Variants in THADA observed in about 807,000 individuals in gnomAD.
THADA encodes the protein tRNA (32-2'-O)-methyltransferase regulator THADA.
A neutral mutation model predicts 219.8 loss-of-function variants in THADA; 213 were observed. The ratio of observed to expected loss-of-function variants is 0.97; its 90% CI spans 0.87 to 1.09. THADA has a LOEUF of 1.09. THADA is among the 50% of genes least tolerant of loss of function. The pLI is 0.00. For synonymous variants in THADA, 1,018 were observed against 828.9 expected, an observed-to-expected ratio of 1.23 and a Z score of -3.92; for missense variants, 2,956 against 2,311.3, an observed-to-expected ratio of 1.28 and a Z score of -5.72.
At chr2:43,288,344 G>T (rs13411327) in intron 34 of THADA, among the ~76,000 whole-genome samples, 1 of 152,176 alleles carries the variant, frequency 6.6e-6, no homozygotes, top group African/African-American at 2.4e-5. Flanking sequence ...CTTGAAGCCA[G>T]GGGGCGGAGG....
intron 36 of THADA, among the ~76,000 whole-genome samples, chr2:43,258,488 C>T (rs1174815489): frequency 1.3e-5 from 2 of 152,132 alleles, no homozygotes; most frequent in Admixed American, 1.3e-4. Context: ...TGCCATTGCA[C>T]TCCAGCCCAG....
intron 21 of THADA, among the ~76,000 whole-genome samples, chr2:43,537,555 C>T (rs1694765861): frequency 6.6e-6 from 1 of 152,224 alleles, no homozygotes; most frequent in Non-Finnish European, 1.5e-5. Flanking sequence ...TGTGAATAAA[C>T]ATATATCCCA....
At chr2:43,357,146 A>C (rs1270737041) in intron 29 of THADA, among the ~76,000 whole-genome samples, 1 of 152,230 alleles carries the variant, frequency 6.6e-6, no homozygotes, top group Non-Finnish European at 1.5e-5. Flanking sequence ...AACATAAACA[A>C]ACAATTCACA....
chr2:43,289,978 T>G (rs1410349433), intron 34 of THADA, among the ~76,000 whole-genome samples: 4 of 3,290 alleles, frequency 1.2e-3, no homozygotes, highest in South Asian at 0.043. Context: ...TTGTTTTTGT[T>G]TTTTTTTTTT....
chr2:43,505,507 T>C (rs1383488340), intron 24 of THADA, 115 bp downstream of exon 24: 12 of 662,032 alleles, frequency 1.8e-5, no homozygotes, highest in Non-Finnish European at 2.5e-5. Context: ...TGAGCTGAGA[T>C]CGCGCCACTG....
intron 29 of THADA, among the ~76,000 whole-genome samples, chr2:43,348,624 A>G (rs1242421811): frequency 6.6e-6 from 1 of 152,056 alleles, no homozygotes. Context: ...CATCTGAGAG[A>G]GCTTCTGCGG....
chr2:43,418,622 T>G (rs879639163), intron 28 of THADA, among the ~76,000 whole-genome samples: 11 of 152,142 alleles, frequency 7.2e-5, no homozygotes, highest in Non-Finnish European at 1.0e-4. Flanking sequence ...AATAGAAAGT[T>G]GAACTTGTGA....
chr2:43,402,725 T>C (rs1328250545), intron 28 of THADA, among the ~76,000 whole-genome samples: 1 of 152,124 alleles, frequency 6.6e-6, no homozygotes, highest in Non-Finnish European at 1.5e-5. Flanking sequence ...CAGTCTAGTG[T>C]GGAAGACAGA....
chr2:43,314,721 T>A (rs577961088), intron 31 of THADA, among the ~76,000 whole-genome samples: 2 of 152,200 alleles, frequency 1.3e-5, no homozygotes, highest in South Asian at 4.1e-4. Context: ...TTCCCTCAAC[T>A]ACAACTGGAC....
chr2:43,571,890 A>T (rs780174563), intron 12 of THADA, 28 bp from the exon 13 acceptor site: 2 of 1,605,852 alleles, frequency 1.2e-6, no homozygotes, highest in Admixed American at 3.4e-5. Context: ...ATAAAATGTT[A>T]ATTTTCCAAG....
intron 31 of THADA, among the ~76,000 whole-genome samples, chr2:43,302,540 A>G (rs184689154): frequency 6.6e-6 from 1 of 152,088 alleles, no homozygotes; most frequent in Non-Finnish European, 1.5e-5. Context: ...TGGAAGGACA[A>G]TACCTCCTAC....
At chr2:43,420,069 T>G (rs996468860) in intron 28 of THADA, among the ~76,000 whole-genome samples, 1 of 152,210 alleles carries the variant, frequency 6.6e-6, no homozygotes, top group African/African-American at 2.4e-5. Flanking sequence ...TGGATCCCCC[T>G]GACTTTTCAC....
At chr2:43,549,088 T>A in intron 20 of THADA, 122 bp downstream of exon 20, 1 of 962,426 alleles carries the variant, frequency 1.0e-6, no homozygotes, top group South Asian at 2.3e-5. Context: ...TTTAAAAAAC[T>A]TTATTTTCTA....
At chr2:43,472,814 A>C (rs1412663278) in intron 26 of THADA, among the ~76,000 whole-genome samples, 1 of 152,256 alleles carries the variant, frequency 6.6e-6, no homozygotes, top group East Asian at 1.9e-4. Flanking sequence ...AACCTGTACA[A>C]CATGTTATTG....
rs1189182005 is a variant in THADA at position 43,379,665 on chromosome 2, C to A, written c.4227+18306G>T. 2.0e-5 allele frequency among the ~76,000 whole-genome samples: 3 copies of A among 152,176 alleles called. No homozygotes were observed. In the South Asian group the frequency reaches 6.2e-4, roughly 32 times the overall value. ...TCTTAAAAAGTTAAACACAGACTTA[C>A]CACATGACCCAGCAATCCGCTAGGT... On this transcript the variant is annotated intron_variant, in intron 29 of 37. Coordinates refer to ENST00000405975, the MANE Select transcript of THADA (RefSeq NM_022065.5).
chr2:43,370,660 A>G (rs1177492704), intron 29 of THADA, among the ~76,000 whole-genome samples: 1 of 152,242 alleles, frequency 6.6e-6, no homozygotes, highest in African/African-American at 2.4e-5. Context: ...AATTTACTCA[A>G]GAAGTTAATA....
Position 43,348,777 on chromosome 2 carries a change from G to T in THADA, c.4228-4540C>A, listed in dbSNP as rs570247300. Among the ~76,000 whole-genome samples the T allele has an allele frequency of 4.6e-5, 7 of 152,270 alleles. No individual in the cohort carries two copies. In the South Asian group the frequency reaches 1.5e-3, roughly 32 times the overall value. ...AATCTACAGCAGGCTTGGGAATGAG[G>T]GAGGGGAATTAATGAGTTTGGTTGG... On this transcript the variant is annotated intron_variant, in intron 29 of 37. Coordinates refer to ENST00000405975, the MANE Select transcript of THADA (RefSeq NM_022065.5).
At chr2:43,276,113 G>C (rs1358813920) in intron 36 of THADA, among the ~76,000 whole-genome samples, 2 of 152,154 alleles carry the variant, frequency 1.3e-5, no homozygotes, top group Non-Finnish European at 2.9e-5. Context: ...CTGGAGTCCA[G>C]CCCACAAATT....
intron 16 of THADA, among the ~76,000 whole-genome samples, chr2:43,559,497 A>T (rs967383195): frequency 6.6e-6 from 1 of 152,146 alleles, no homozygotes; most frequent in Non-Finnish European, 1.5e-5. Context: ...GCCTTTATAG[A>T]GCTCTAATAG....
Sources: allele counts gnomAD v4.1 joint callset (sites outside exome capture counted in the v4.1 genomes callset), GRCh38; gene constraint gnomAD v4.1.1; transcripts MANE v1.5; gene names NCBI Gene and HGNC (gene_info 2026-07-23, HGNC 2026-07-21).